The following TMTC1 variants were observed in gnomAD, a reference collection of about 807,000 sequenced individuals.
The protein encoded by TMTC1 is protein O-mannosyl-transferase TMTC1.
A neutral mutation model predicts 104.8 loss-of-function variants in TMTC1; 73 were observed. The observed-to-expected ratio is 0.70, with a 90% CI of 0.58 to 0.85. The LOEUF is 0.85. Ranked by LOEUF, TMTC1 falls within the 40% of genes least tolerant of loss-of-function variation. The pLI is 0.00. For synonymous variants in TMTC1, 434 were observed against 428.7 expected (o/e 1.01, Z -0.15); for missense variants, 1,035 against 1,096.1 (o/e 0.94, Z 0.79).
intron 5 of TMTC1, among the ~76,000 whole-genome samples, chr12:29,665,503 T>G (rs1179314532): frequency 6.6e-6 from 1 of 152,194 alleles, no homozygotes; most frequent in Non-Finnish European, 1.5e-5. Context: ...TATTGAGAGA[T>G]ATTAGCAGAG....
chr12:29,650,083 TTTTC>T (rs1467833443), intron 5 of TMTC1, among the ~76,000 whole-genome samples: 50 of 151,590 alleles, frequency 3.3e-4, no homozygotes, highest in African/African-American at 1.2e-3. Flanking sequence ...TTTTCTTTTC[TTTTC>T]TTTTTTTTTT....
At chr12:29,761,493 CAGA>C (rs1012981703) in intron 2 of TMTC1, among the ~76,000 whole-genome samples, 14 of 151,596 alleles carry the variant, frequency 9.2e-5, no homozygotes, top group African/African-American at 3.4e-4. Flanking sequence ...TGCATTACTT[CAGA>C]AGAAGATTGA....
rs1017442145 is a variant in TMTC1 at position 29,693,505 on chromosome 12, C to A, written c.938+58161G>T. Among the ~76,000 whole-genome samples, 12 of 151,998 alleles carry A rather than the reference C, an allele frequency of 7.9e-5. 1 individual carries two copies. Among genetic ancestry groups the A allele is most frequent in the Non-Finnish European group, 1.8e-4 (12 of 67,994 alleles). On this transcript the variant is annotated intron_variant, in intron 5 of 17. Transcript: ENST00000539277. Reference sequence around the variant, plus strand: ...TTTTGTATCCAAAATTTGTAACCAACCTTTCTCTATCCCCTTCGTTCCCCA... The same window carrying A: ...TTTTGTATCCAAAATTTGTAACCAAACTTTCTCTATCCCCTTCGTTCCCCA...
At position 29,682,787 on chromosome 12, in the gene TMTC1, A is replaced by G. The variant is rs1030347568; in HGVS notation, c.939-49451T>C. 3.9e-5 allele frequency among the ~76,000 whole-genome samples: 6 copies of G among 152,208 alleles called. No individual in the cohort carries two copies. In the East Asian group the frequency reaches 1.2e-3, roughly 29 times the overall value. ...GTGGGTGTAACTACAAAGAGACAGC[A>G]TGAGGGAGATCTTTGGGTTGACAGA... is the stretch of plus-strand genomic sequence containing the variant. On this transcript the variant is annotated intron_variant, in intron 5 of 17. Transcript: ENST00000539277.
chr12:29,569,033 T>TA, intron 9 of TMTC1: 1 of 455,242 alleles, frequency 2.2e-6, no homozygotes, highest in Non-Finnish European at 4.4e-6. Context: ...AAAGCAAAGC[T>TA]AACACTTGAT....
chr12:29,591,006 A>G (rs189406514), intron 7 of TMTC1, among the ~76,000 whole-genome samples: 3 of 152,192 alleles, frequency 2.0e-5, no homozygotes, highest in African/African-American at 7.2e-5. Flanking sequence ...AATGAAGGAG[A>G]ACACATTCCT....
chr12:29,663,138 C>G (rs1940111851), intron 5 of TMTC1, among the ~76,000 whole-genome samples: 1 of 152,216 alleles, frequency 6.6e-6, no homozygotes, highest in African/African-American at 2.4e-5. Flanking sequence ...TCTTTAGTGT[C>G]AACTGGGTTC....
chr12:29,767,997 AAG>A lies in TMTC1; in HGVS notation c.379_380del (p.Leu127CysfsTer7). ...VNIILHCLVT[L>X]VLMYTCDKTV... ...TTTTATCACAGGTGTACATCAGCAC[AAG>A]AGTCACTAAGCAGTGTAAAATTATA... On this transcript the variant is annotated frameshift_variant, in exon 2 of 18. Coordinates refer to ENST00000539277, the MANE Select transcript of TMTC1 (RefSeq NM_001193451.2). LOFTEE classifies it high-confidence loss of function. 5 of 1,613,926 alleles carry A rather than the reference AAG, an allele frequency of 3.1e-6. No homozygotes were observed. Among genetic ancestry groups the A allele is most frequent in the Non-Finnish European group, 4.2e-6 (5 of 1,179,890 alleles).
At chr12:29,704,220 A>C (rs1174939429) in intron 5 of TMTC1, among the ~76,000 whole-genome samples, 1 of 152,240 alleles carries the variant, frequency 6.6e-6, no homozygotes, top group Admixed American at 6.5e-5. Flanking sequence ...TTTTCAAAAC[A>C]TAGTAGTACC....
At chr12:29,622,924 A>G (rs189793141) in intron 6 of TMTC1, among the ~76,000 whole-genome samples, 86 of 152,292 alleles carry the variant, frequency 5.6e-4, no homozygotes, top group South Asian at 2.5e-3. Flanking sequence ...TGCCCTGAAA[A>G]TAAGACAAAC....
At chr12:29,644,632 A>G (rs1056909598) in intron 5 of TMTC1, among the ~76,000 whole-genome samples, 1 of 152,132 alleles carries the variant, frequency 6.6e-6, no homozygotes, top group Non-Finnish European at 1.5e-5. Flanking sequence ...CCTTCCATGA[A>G]GGCTACATGC....
At chr12:29,710,925 AAATATAT>A (rs1941902881) in intron 5 of TMTC1, among the ~76,000 whole-genome samples, 8 of 9,420 alleles carry the variant, frequency 8.5e-4, no homozygotes, top group East Asian at 4.9e-3. Flanking sequence ...AAATATATAT[AAATATAT>A]TAATAATATA....
At chr12:29,554,816 G>A (rs929237872) in intron 10 of TMTC1, among the ~76,000 whole-genome samples, 3 of 152,120 alleles carry the variant, frequency 2.0e-5, no homozygotes, top group Non-Finnish European at 4.4e-5. Flanking sequence ...CTGAACTCTA[G>A]CCTGGGTGAA....
At chr12:29,776,090 A>G (rs1263125610) in intron 1 of TMTC1, among the ~76,000 whole-genome samples, 1 of 152,172 alleles carries the variant, frequency 6.6e-6, no homozygotes, top group East Asian at 1.9e-4. Flanking sequence ...CCTTATAGAA[A>G]GCATAGGCAT....
intron 5 of TMTC1, among the ~76,000 whole-genome samples, chr12:29,678,150 C>G (rs892742819): frequency 5.3e-5 from 8 of 152,200 alleles, no homozygotes; most frequent in Admixed American, 3.3e-4. Flanking sequence ...ATACAAGAAT[C>G]AGAGATGAAC....
intron 7 of TMTC1, 48 bp from the exon 8 acceptor site, chr12:29,583,622 C>T (rs756121874): frequency 1.0e-5 from 16 of 1,528,704 alleles, no homozygotes; most frequent in Non-Finnish European, 1.4e-5. Context: ...GGTGCAATAG[C>T]TTCCCCCCAG....
At chr12:29,621,053 G>T (rs1937647398) in intron 6 of TMTC1, among the ~76,000 whole-genome samples, 2 of 152,218 alleles carry the variant, frequency 1.3e-5, no homozygotes, top group South Asian at 2.1e-4. Flanking sequence ...ATAGCACGAA[G>T]AGGATTTTCA....
At chr12:29,769,082 T>C (rs889710629) in intron 1 of TMTC1, among the ~76,000 whole-genome samples, 3 of 152,178 alleles carry the variant, frequency 2.0e-5, no homozygotes, top group African/African-American at 7.2e-5. Flanking sequence ...GCTTCTCTTA[T>C]AGAAACAGCT....
At chr12:29,579,486 T>C (rs1945916866) in intron 8 of TMTC1, among the ~76,000 whole-genome samples, 1 of 152,192 alleles carries the variant, frequency 6.6e-6, no homozygotes, top group Non-Finnish European at 1.5e-5. Context: ...ACTACTGTTT[T>C]TCCTACAGAG....
Sources: allele counts gnomAD v4.1 joint callset (sites outside exome capture counted in the v4.1 genomes callset), GRCh38; gene constraint gnomAD v4.1.1; transcripts MANE v1.5; gene names NCBI Gene and HGNC (gene_info 2026-07-23, HGNC 2026-07-21).